ASTN1: variants seen among roughly 807,000 people sequenced by gnomAD.
The protein encoded by ASTN1 is astrotactin-1.
Under a neutral mutation model 140.7 loss-of-function variants are expected in ASTN1, and 41 were observed. That is an observed-to-expected ratio of 0.29 (90% CI 0.23 to 0.38). ASTN1 has a LOEUF of 0.38. ASTN1 is among the 10% of genes least tolerant of loss of function. The pLI is 1.00. For missense variants in ASTN1, 1,479 were observed against 1,678.8 expected, an observed-to-expected ratio of 0.88 and a Z score of 2.08; for synonymous variants, 640 against 652.2, an observed-to-expected ratio of 0.98 and a Z score of 0.29.
At chr1:176,896,559 C>T (rs1415213852) in intron 16 of ASTN1, among the ~76,000 whole-genome samples, 1 of 152,110 alleles carries the variant, frequency 6.6e-6, no homozygotes, top group East Asian at 1.9e-4. Context: ...ACGGATTGGG[C>T]GGAGCGAGTG....
At position 176,894,680 on chromosome 1, in the gene ASTN1, G is replaced by A. The variant is rs922503661; in HGVS notation, c.2822C>T (p.Ser941Leu). 2.5e-6 allele frequency: 4 copies of A among 1,614,004 alleles called. No individual in the cohort carries two copies. In the East Asian group the frequency reaches 8.9e-5, roughly 36 times the overall value. Residue 941 changes from serine (S) to leucine (L), a missense_variant, in exon 17 of 23, where the codon TCG (serine) becomes TTG (leucine). Physicochemically the swap from Ser to Leu is moderately radical, Grantham distance 145 (BLOSUM62 -2). This residue lies in a region of ASTN1 where 746 missense variants were observed against 800.9 expected (regional missense o/e 0.93). Transcript: ENST00000361833. ...TGTCACATGACACAGGGGGCAGGAC[G>A]AGGGGCATCGTCCCTTGCTGTGGCA... ...MECHSKGRCP[S>L]SCPLCHVTSS...
intron 7 of ASTN1, among the ~76,000 whole-genome samples, chr1:177,020,534 C>T (rs1675772069): frequency 6.6e-6 from 1 of 152,306 alleles, no homozygotes; most frequent in Admixed American, 6.5e-5. Context: ...TCTAAGAATG[C>T]TTGTGATTAC....
At chr1:176,975,108 T>A (rs574706004) in intron 8 of ASTN1, among the ~76,000 whole-genome samples, 157 of 152,326 alleles carry the variant, frequency 1.0e-3, no homozygotes, top group Middle Eastern at 3.4e-3. Flanking sequence ...TCCCTGTATA[T>A]TTTGGGATCA....
chr1:176,972,189 T>G (rs774012296), intron 8 of ASTN1, among the ~76,000 whole-genome samples: 4 of 152,218 alleles, frequency 2.6e-5, no homozygotes, highest in Non-Finnish European at 4.4e-5. Context: ...GTTGTACATG[T>G]GGTCCATTGT....
chr1:177,128,290 A>T (rs1681767521), intron 1 of ASTN1, among the ~76,000 whole-genome samples: 1 of 152,204 alleles, frequency 6.6e-6, no homozygotes, highest in African/African-American at 2.4e-5. Context: ...AAATTTTCTT[A>T]TTATGCATCA....
At chr1:177,106,347 C>T (rs1385153875) in intron 1 of ASTN1, among the ~76,000 whole-genome samples, 5 of 152,174 alleles carry the variant, frequency 3.3e-5, no homozygotes, top group African/African-American at 4.8e-5. Context: ...CTGGCCTCAT[C>T]GCTGTCTTAG....
chr1:176,982,821 C>T (rs1270285267), intron 8 of ASTN1, among the ~76,000 whole-genome samples: 1 of 152,166 alleles, frequency 6.6e-6, no homozygotes, highest in Admixed American at 6.5e-5. Flanking sequence ...CCCAGGAACA[C>T]AGAGTGAAAA....
At chr1:176,870,865 A>G (rs1054585251) in intron 21 of ASTN1, among the ~76,000 whole-genome samples, 1 of 152,190 alleles carries the variant, frequency 6.6e-6, no homozygotes, top group Non-Finnish European at 1.5e-5. Context: ...ATTGCCAAGA[A>G]CTTTGCACAT....
At chr1:176,944,979 G>C (rs1244327316) in intron 13 of ASTN1, among the ~76,000 whole-genome samples, 1 of 152,130 alleles carries the variant, frequency 6.6e-6, no homozygotes, top group African/African-American at 2.4e-5. Flanking sequence ...TGCTCATGAG[G>C]GTCTAGGCCC....
rs781283066 is a variant in ASTN1, at chr1:177,030,950, T to C, written c.868A>G (p.Ser290Gly). The C allele has an allele frequency of 2.5e-5, 41 of 1,611,280 alleles. No individual in the cohort carries two copies. In the Admixed American group the frequency reaches 4.5e-4, roughly 18 times the overall value. ...ATCAGTGACAGCTTGGCATTGTCAC[T>C]TCCTGTATAAGGAAAAGACGAGGCA... ...EKSGMDLTPG[S>G]DNAKLSLMNK... Residue 290 changes from serine to glycine, a missense_variant and splice_region_variant, in exon 4 of 23, where the codon AGT becomes GGT. By Grantham distance (56) the Ser-to-Gly change is moderately conservative. This residue lies in a region of ASTN1 where 729 missense variants were observed against 860.4 expected (regional missense o/e 0.85). Coordinates refer to ENST00000361833, the MANE Select transcript of ASTN1 (RefSeq NM_004319.3).
chr1:177,011,645 TCA>T (rs141786335), intron 8 of ASTN1, among the ~76,000 whole-genome samples: 242 of 143,860 alleles, frequency 1.7e-3, no homozygotes, highest in African/African-American at 5.7e-3. Context: ...CAGGCACCAC[TCA>T]CACACACACA....
intron 21 of ASTN1, among the ~76,000 whole-genome samples, chr1:176,873,859 CTTGAT>C (rs1668455033): frequency 6.6e-6 from 1 of 152,274 alleles, no homozygotes; most frequent in South Asian, 2.1e-4. Flanking sequence ...CAGAGCACAT[CTTGAT>C]GTACTCTGGA....
intron 8 of ASTN1, among the ~76,000 whole-genome samples, chr1:176,970,921 T>G (rs1469445423): frequency 6.6e-6 from 1 of 152,154 alleles, no homozygotes; most frequent in African/African-American, 2.4e-5. Flanking sequence ...GAAATATTTG[T>G]CCACAGTTAA....
intron 22 of ASTN1, among the ~76,000 whole-genome samples, chr1:176,868,063 T>A (rs1668193421): frequency 6.6e-6 from 1 of 152,140 alleles, no homozygotes. Context: ...TTTTTCTTCA[T>A]GAGCACCTAA....
chr1:176,991,876 G>A (rs1278050777), intron 8 of ASTN1, among the ~76,000 whole-genome samples: 1 of 152,286 alleles, frequency 6.6e-6, no homozygotes, highest in Admixed American at 6.5e-5. Context: ...ATTAGACAAA[G>A]AGAGGTTCTC....
intron 1 of ASTN1, among the ~76,000 whole-genome samples, chr1:177,093,996 T>C (rs900071607): frequency 6.6e-6 from 1 of 152,192 alleles, no homozygotes; most frequent in Admixed American, 6.5e-5. Context: ...TCCTGGCTTA[T>C]AGAAATGCCC....
At chr1:177,015,005 A>C in intron 7 of ASTN1, 130 bp from the exon 8 acceptor site, 1 of 783,290 alleles carries the variant, frequency 1.3e-6, no homozygotes, top group African/African-American at 1.7e-5. Context: ...TGAGACAGTA[A>C]GTTCCATTAT....
intron 11 of ASTN1, 42 bp downstream of exon 11, chr1:176,957,636 C>G (rs1357423135): frequency 7.5e-6 from 12 of 1,605,732 alleles, no homozygotes; most frequent in Non-Finnish European, 1.0e-5. Flanking sequence ...CCTTTCCTCC[C>G]CATCCTCAAA....
At chr1:176,894,995 T>A (rs916555531) in intron 16 of ASTN1, among the ~76,000 whole-genome samples, 165 bp from the exon 17 acceptor site, 2 of 152,160 alleles carry the variant, frequency 1.3e-5, no homozygotes, top group African/African-American at 4.8e-5. Context: ...GCACCCAACC[T>A]CCCAGCGACA....
Sources: allele counts gnomAD v4.1 joint callset (sites outside exome capture counted in the v4.1 genomes callset), GRCh38; gene constraint gnomAD v4.1.1; regional missense constraint gnomAD v4.1.1; transcripts MANE v1.5; gene names NCBI Gene and HGNC (gene_info 2026-07-23, HGNC 2026-07-21).